The following TMTC4 variants were observed in gnomAD, a reference collection of about 807,000 sequenced individuals.
The protein encoded by TMTC4 is protein O-mannosyl-transferase TMTC4.
TMTC4 carries 65 observed loss-of-function variants against 86.0 expected under a neutral mutation model. The ratio of observed to expected loss-of-function variants is 0.76; its 90% confidence interval spans 0.62 to 0.93. The LOEUF is 0.93. TMTC4 is among the 40% of genes least tolerant of loss of function. TMTC4 has a pLI of 0.00. For missense variants in TMTC4, 866 were observed against 948.1 expected (o/e 0.91, Z 1.14); for synonymous variants, 379 against 382.5 (o/e 0.99, Z 0.11).
chr13:100,626,618 AC>A (rs1880592002), intron 12 of TMTC4, among the ~76,000 whole-genome samples: 1 of 152,018 alleles, frequency 6.6e-6, no homozygotes, highest in African/African-American at 2.4e-5. Flanking sequence ...ACACCACCAC[AC>A]CTGGCTTGTT....
chr13:100,635,697 TCAC>T (rs1882124508), intron 10 of TMTC4: 1 of 153,272 alleles, frequency 6.5e-6, no homozygotes, highest in Non-Finnish European at 1.5e-5. Flanking sequence ...GGTTGCTACA[TCAC>T]CACCATAAAT....
At chr13:100,666,678 A>G (rs1182837488) in intron 3 of TMTC4, among the ~76,000 whole-genome samples, 1 of 152,236 alleles carries the variant, frequency 6.6e-6, no homozygotes, top group Non-Finnish European at 1.5e-5. Flanking sequence ...TTTCTGAGAA[A>G]AGCAGTTCTG....
intron 15 of TMTC4, among the ~76,000 whole-genome samples, chr13:100,617,610 A>G (rs982335842): frequency 6.6e-6 from 1 of 152,192 alleles, no homozygotes; most frequent in African/African-American, 2.4e-5. Context: ...CTTTAAAAAA[A>G]AATTGGTTAA....
intron 7 of TMTC4, among the ~76,000 whole-genome samples, chr13:100,640,052 G>A (rs1882813546): frequency 6.6e-6 from 1 of 152,132 alleles, no homozygotes; most frequent in Non-Finnish European, 1.5e-5. Flanking sequence ...CCTGGGGAGG[G>A]GGTGGGGCCT....
chr13:100,620,079 A>T (rs1037982032), intron 15 of TMTC4, among the ~76,000 whole-genome samples: 1 of 152,226 alleles, frequency 6.6e-6, no homozygotes, highest in African/African-American at 2.4e-5. Flanking sequence ...TCAGGGAAGC[A>T]GAAAAAGTGG....
At chr13:100,611,462 A>G (rs965608025) in intron 17 of TMTC4, among the ~76,000 whole-genome samples, 8 of 152,242 alleles carry the variant, frequency 5.3e-5, no homozygotes, top group African/African-American at 9.6e-5. Context: ...GCGGGCGCCT[A>G]TAGTCCCAGC....
chr13:100,625,539 C>A lies in TMTC4; in HGVS notation c.1832G>T (p.Arg611Leu). ...KYPDCYYNLG[R>L]LYADLNRHVD... ...CACAGGGCACCCCGCGCTTACCAGACGCCCGAGGTTGTAGTAACAGTCTGG... is the reference window on the plus strand; with the variant it reads ...CACAGGGCACCCCGCGCTTACCAGAAGCCCGAGGTTGTAGTAACAGTCTGG... The change falls in exon 15 of 19, where the codon CGT becomes CTT. Residue 611 changes from arginine (R) to leucine (L), a missense_variant. Coordinates refer to ENST00000342624, the MANE Select transcript of TMTC4 (RefSeq NM_032813.5). The A allele has an allele frequency of 6.2e-7, 1 of 1,613,874 alleles. No homozygotes were observed. Among genetic ancestry groups the A allele is most frequent in the East Asian group, 2.2e-5 (1 of 44,882 alleles).
intron 12 of TMTC4, among the ~76,000 whole-genome samples, chr13:100,634,224 T>C (rs914324411): frequency 7.2e-5 from 11 of 152,052 alleles, no homozygotes; most frequent in African/African-American, 2.7e-4. Context: ...CACTGTTACA[T>C]GGCACATGAC....
chr13:100,656,133 G>C lies in TMTC4; in HGVS notation c.640+248C>G, dbSNP rs147348708. Among the ~76,000 whole-genome samples, 15 of 152,352 alleles carry C rather than the reference G, an allele frequency of 9.8e-5. 1 individual carries two copies. The highest frequency in any genetic ancestry group is 7.7e-4 in the East Asian group (4 of 5,186). ...AAAACTCAATCCTGCTGCTGCTTCT[G>C]TTCTTGGTCTCAATACCTAATAGGA... is the stretch of plus-strand genomic sequence containing the variant. On this transcript the variant is annotated intron_variant, in intron 6 of 18. Coordinates refer to ENST00000342624, the MANE Select transcript of TMTC4 (RefSeq NM_032813.5).
chr13:100,665,907 T>C, intron 3 of TMTC4: 1 of 414,052 alleles, frequency 2.4e-6, no homozygotes, highest in South Asian at 1.7e-5. Flanking sequence ...TTAGAGATTC[T>C]GTGAAGGTCA....
chr13:100,674,703 C>G (rs1188877360), intron 1 of TMTC4, 41 bp downstream of exon 1: 1 of 983,424 alleles, frequency 1.0e-6, no homozygotes, highest in Non-Finnish European at 1.2e-6. Context: ...CCGCTCGCCC[C>G]GCGGCGCGCT....
chr13:100,621,465 G>A (rs940634538), intron 15 of TMTC4, among the ~76,000 whole-genome samples: 5 of 152,120 alleles, frequency 3.3e-5, no homozygotes, highest in South Asian at 4.2e-4. Context: ...TTGCTCCGTC[G>A]CCCAGGCTGG....
At chr13:100,665,615 C>T (rs1360065708) in intron 3 of TMTC4, among the ~76,000 whole-genome samples, 1 of 152,266 alleles carries the variant, frequency 6.6e-6, no homozygotes, top group Non-Finnish European at 1.5e-5. Flanking sequence ...TGGGACAGCC[C>T]GTCTGTACCA....
At position 100,670,438 on chromosome 13, in the gene TMTC4, A is replaced by T. The variant is rs1342763148; in HGVS notation, c.-76T>A. ...CAATCCAGAGATGAAACAGGCCGCA[A>T]CTCTTCCACTGCTTGTCTCTCGAGC... On this transcript the variant is annotated 5_prime_UTR_variant, in exon 2 of 19. It adds an upstream start codon to the 5' untranslated region. Coordinates refer to ENST00000342624, the MANE Select transcript of TMTC4 (RefSeq NM_032813.5). 1 of 1,503,382 alleles carries T rather than the reference A, an allele frequency of 6.7e-7. No individual in the cohort carries two copies. The highest frequency in any genetic ancestry group is 9.1e-7 in the Non-Finnish European group (1 of 1,104,830). 93.1% of individuals were successfully genotyped at this position (1,503,382 alleles called of 1,614,324 possible). A position where few individuals can be genotyped will look rare whatever the true frequency, so the allele number is the denominator to read the frequency against.
chr13:100,652,020 A>G (rs1169409532), intron 6 of TMTC4, among the ~76,000 whole-genome samples: 3 of 152,192 alleles, frequency 2.0e-5, no homozygotes, highest in Non-Finnish European at 4.4e-5. Context: ...TTTTTGTACA[A>G]TTTGTACTGA....
chr13:100,628,800 A>G (rs763560984), intron 12 of TMTC4, among the ~76,000 whole-genome samples: 25 of 152,106 alleles, frequency 1.6e-4, no homozygotes, highest in Non-Finnish European at 3.1e-4. Context: ...AAAAGTGGGG[A>G]CTTGAACTAA....
chr13:100,605,898 G>T lies in TMTC4; in HGVS notation c.2134+460C>A, dbSNP rs1157842139. Among the ~76,000 whole-genome samples the T allele has an allele frequency of 6.6e-6, 1 of 152,130 alleles. No homozygotes were observed. The highest frequency in any genetic ancestry group is 1.9e-4 in the East Asian group (1 of 5,196). On this transcript the variant is annotated intron_variant, in intron 18 of 18. Transcript: ENST00000342624. This position sits in a 1 kb window ranked among gnomAD's most constrained non-coding sequence, Gnocchi z 4.3. ...AAGAAATGAATTCTAGGGAATAAAT[G>T]ATTATAAATGCATTTTAGCCAAGGC...
intron 5 of TMTC4, among the ~76,000 whole-genome samples, chr13:100,662,355 G>A (rs1298376946): frequency 6.6e-6 from 1 of 151,614 alleles, no homozygotes; most frequent in East Asian, 2.0e-4. Flanking sequence ...TGGAGGCCTG[G>A]GAAGCCCAGA....
intron 6 of TMTC4, among the ~76,000 whole-genome samples, chr13:100,648,176 T>C (rs1047484322): frequency 6.6e-6 from 1 of 152,216 alleles, no homozygotes; most frequent in African/African-American, 2.4e-5. Context: ...AAGGGCTCAA[T>C]GGTCAGAGAT....
Sources: gnomAD v4.1 joint callset for allele counts (sites outside exome capture counted in the v4.1 genomes callset) on GRCh38, gnomAD v4.1.1 for gene constraint, Gnocchi (gnomAD v3.1) non-coding constraint, MANE v1.5 for transcripts, NCBI Gene and HGNC (gene_info 2026-07-23, HGNC 2026-07-21) for gene names.